Variants in HS3ST5 observed in about 807,000 individuals in gnomAD.
The protein encoded by HS3ST5 is heparan sulfate glucosamine 3-O-sulfotransferase 5.
In HS3ST5, 10 loss-of-function variants were observed where a neutral mutation model predicts 25.4. The observed-to-expected ratio is 0.39, with a 90% confidence interval of 0.24 to 0.67. The LOEUF (loss-of-function observed/expected upper bound fraction) is 0.67, where lower values mean the gene tolerates loss of function less well. Ranked by LOEUF, HS3ST5 falls within the 30% of genes least tolerant of loss-of-function variation. HS3ST5 has a pLI of 0.44. For synonymous variants in HS3ST5, 170 were observed against 162.4 expected, an observed-to-expected ratio of 1.05 and a Z score of -0.36; for missense variants, 324 against 420.7, an observed-to-expected ratio of 0.77 and a Z score of 2.01.
Position 114,056,590 on chromosome 6 carries a change from A to G in HS3ST5, c.*667T>C, listed in dbSNP as rs1772782259. On this transcript the variant is annotated 3_prime_UTR_variant, in exon 5 of 5. Transcript: ENST00000312719. ...GAAACCAGTATTTACAACAATATAC[A>G]TTATGTACATGACATTTCTCTCTGT... 1 of 152,240 alleles carries G rather than the reference A, an allele frequency of 6.6e-6. No homozygotes were observed. The highest frequency in any genetic ancestry group is 1.5e-5 in the Non-Finnish European group (1 of 68,044). 9.4% of individuals were successfully genotyped at this position (152,240 alleles called of 1,614,324 possible). A position where few individuals can be genotyped will look rare whatever the true frequency, so the allele number is the denominator to read the frequency against.
chr6:114,119,907 G>T (rs746905948), intron 3 of HS3ST5, among the ~76,000 whole-genome samples: 1 of 152,178 alleles, frequency 6.6e-6, no homozygotes, highest in Non-Finnish European at 1.5e-5. Flanking sequence ...AGCACTTTGG[G>T]AGGCCAAGGT....
chr6:114,111,617 T>A lies in HS3ST5; in HGVS notation c.-32-48740A>T, dbSNP rs564647449. On this transcript the variant is annotated intron_variant, in intron 3 of 4. Transcript: ENST00000312719. ...GGGAATAACTTCCTCTCCATAGAGG[T>A]CTAGGGGCCAGAAACAGAATGTGAA... 5.9e-5 allele frequency among the ~76,000 whole-genome samples: 9 copies of A among 152,170 alleles called. No homozygotes were observed. The East Asian group carries it at 1.7e-3, about 29-fold the overall frequency.
At chr6:114,136,028 G>A (rs1033476557) in intron 3 of HS3ST5, among the ~76,000 whole-genome samples, 2 of 152,200 alleles carry the variant, frequency 1.3e-5, no homozygotes, top group African/African-American at 2.4e-5. Flanking sequence ...GAACACAGAC[G>A]GACACACAGT....
chr6:114,114,403 A>C (rs769018437), intron 3 of HS3ST5, among the ~76,000 whole-genome samples: 1 of 152,122 alleles, frequency 6.6e-6, no homozygotes, highest in Non-Finnish European at 1.5e-5. Flanking sequence ...ATGTTACTAA[A>C]GTTTTCTTGA....
chr6:114,281,107 T>C (rs976055987), intron 1 of HS3ST5, among the ~76,000 whole-genome samples: 2 of 152,040 alleles, frequency 1.3e-5, no homozygotes, highest in African/African-American at 4.8e-5. Context: ...AGATATATTC[T>C]AGGATATGGT....
chr6:114,132,680 A>G (rs2114911311), intron 3 of HS3ST5, among the ~76,000 whole-genome samples: 1 of 152,314 alleles, frequency 6.6e-6, no homozygotes, highest in Non-Finnish European at 1.5e-5. Context: ...AGGCTTATAA[A>G]TAGTTACCAT....
intron 3 of HS3ST5, among the ~76,000 whole-genome samples, chr6:114,125,811 A>G (rs527673507): frequency 2.9e-4 from 44 of 152,174 alleles, no homozygotes; most frequent in Non-Finnish European, 5.6e-4. Context: ...TCTTGTCAAC[A>G]CGTGATAGCC....
chr6:114,278,177 T>C (rs1773949423), intron 1 of HS3ST5, among the ~76,000 whole-genome samples: 1 of 152,002 alleles, frequency 6.6e-6, no homozygotes, highest in African/African-American at 2.4e-5. Context: ...TCTTCAATTA[T>C]TCTTATGCGA....
chr6:114,336,316 A>G (rs966574489), intron 1 of HS3ST5, among the ~76,000 whole-genome samples: 1 of 152,234 alleles, frequency 6.6e-6, no homozygotes, highest in Non-Finnish European at 1.5e-5. Flanking sequence ...AGATAAAATT[A>G]CTAAGAATTT....
rs183167328 is a variant in HS3ST5, at chr6:114,089,702, T to A, written c.-32-26825A>T. On this transcript the variant is annotated intron_variant, in intron 3 of 4. Transcript: ENST00000312719. Reference sequence around the variant, plus strand: ...CAAATATTATGATTGCTTCTCTGATTGCTTCTCATTATTAATTGTATTGGA... The same window carrying A: ...CAAATATTATGATTGCTTCTCTGATAGCTTCTCATTATTAATTGTATTGGA... 3.0e-3 allele frequency among the ~76,000 whole-genome samples: 458 copies of A among 152,348 alleles called. 3 individuals are homozygous for A. Among genetic ancestry groups the A allele is most frequent in the Non-Finnish European group, 4.5e-3 (305 of 68,042 alleles).
At chr6:114,234,551 A>G (rs1395171096) in intron 1 of HS3ST5, among the ~76,000 whole-genome samples, 1 of 151,328 alleles carries the variant, frequency 6.6e-6, no homozygotes, top group African/African-American at 2.4e-5. Flanking sequence ...TTTTTCCTGA[A>G]ACATAAACTC....
intron 1 of HS3ST5, among the ~76,000 whole-genome samples, chr6:114,276,939 A>G (rs564339369): frequency 8.4e-4 from 128 of 152,112 alleles, no homozygotes; most frequent in Non-Finnish European, 1.7e-3. Flanking sequence ...TTGTTGGAAG[A>G]TATTATGATC....
intron 3 of HS3ST5, among the ~76,000 whole-genome samples, chr6:114,096,314 G>A (rs767801101): frequency 1.3e-5 from 2 of 152,106 alleles, no homozygotes; most frequent in Non-Finnish European, 2.9e-5. Flanking sequence ...GTATCATTTT[G>A]TATATCTTTT....
At chr6:114,169,992 G>A (rs1779401282) in intron 2 of HS3ST5, among the ~76,000 whole-genome samples, 2 of 152,070 alleles carry the variant, frequency 1.3e-5, no homozygotes, top group South Asian at 4.1e-4. Flanking sequence ...CAACAGATAA[G>A]GGAAAAACAC....
chr6:114,136,403 C>T (rs984250966), intron 3 of HS3ST5, among the ~76,000 whole-genome samples: 6 of 152,184 alleles, frequency 3.9e-5, no homozygotes, highest in Admixed American at 6.5e-5. Flanking sequence ...CTTCATTTGT[C>T]TTCAGCCATG....
intron 2 of HS3ST5, among the ~76,000 whole-genome samples, chr6:114,182,533 AGGAGC>A (rs891543395): frequency 6.6e-6 from 1 of 152,184 alleles, no homozygotes; most frequent in Non-Finnish European, 1.5e-5. Flanking sequence ...TGTCTGCAAA[AGGAGC>A]GTATAGGAAG....
At chr6:114,068,090 AG>A (rs1481367845) in intron 3 of HS3ST5, among the ~76,000 whole-genome samples, 2 of 152,232 alleles carry the variant, frequency 1.3e-5, no homozygotes, top group Non-Finnish European at 2.9e-5. Context: ...TAAAAAATGC[AG>A]TTTTCATAAA....
At chr6:114,261,838 C>A (rs1266514384) in intron 1 of HS3ST5, among the ~76,000 whole-genome samples, 1 of 152,156 alleles carries the variant, frequency 6.6e-6, no homozygotes, top group East Asian at 1.9e-4. Flanking sequence ...GTTTCTGCCT[C>A]CATATTTATT....
chr6:114,337,461 T>C (rs76043809), intron 1 of HS3ST5, among the ~76,000 whole-genome samples: 2,834 of 152,302 alleles, frequency 0.019, 41 homozygotes, highest in Middle Eastern at 0.034. Context: ...AAGGATATCA[T>C]GGGAAGCATA....
Sources: gnomAD v4.1 joint callset for allele counts (sites outside exome capture counted in the v4.1 genomes callset) on GRCh38, gnomAD v4.1.1 for gene constraint, MANE v1.5 for transcripts, NCBI Gene and HGNC (gene_info 2026-07-23, HGNC 2026-07-21) for gene names.